The following SOX6 variants were observed in gnomAD, a reference collection of about 807,000 sequenced individuals.
SOX6 encodes SRY-box transcription factor 6, also known as transcription factor SOX-6.
Under a neutral mutation model 97.8 loss-of-function variants are expected in SOX6, and 11 were observed. That is an observed-to-expected ratio of 0.11 (90% confidence interval 0.07 to 0.19). The LOEUF (loss-of-function observed/expected upper bound fraction) is 0.19, where lower values mean the gene tolerates loss of function less well. SOX6 is among the 10% of genes least tolerant of loss of function. The probability of loss-of-function intolerance (pLI) is 1.00; values close to 1 mark genes in which losing one functional copy is unlikely to be tolerated. For missense variants in SOX6, 810 were observed against 1,039.5 expected (o/e 0.78, Z 3.04); for synonymous variants, 360 against 371.4 (o/e 0.97, Z 0.35).
intron 3 of SOX6, among the ~76,000 whole-genome samples, chr11:16,263,071 C>T (rs1375303281): frequency 6.6e-6 from 1 of 151,846 alleles, no homozygotes; most frequent in Non-Finnish European, 1.5e-5. Flanking sequence ...AAATCCAAAA[C>T]TTAAACATCT....
chr11:16,181,847 TTGAC>T (rs368882010), intron 6 of SOX6, among the ~76,000 whole-genome samples: 16 of 151,930 alleles, frequency 1.1e-4, no homozygotes, highest in African/African-American at 3.9e-4. Context: ...AACTCTGACA[TTGAC>T]TATCTTTATT....
chr11:16,004,568 C>A (rs1854497114), intron 13 of SOX6, among the ~76,000 whole-genome samples: 1 of 151,734 alleles, frequency 6.6e-6, no homozygotes, highest in African/African-American at 2.4e-5. Context: ...TAGAGACAAT[C>A]CAATCTGATG....
intron 3 of SOX6, among the ~76,000 whole-genome samples, chr11:16,241,169 T>C (rs1853184933): frequency 6.6e-6 from 1 of 152,066 alleles, no homozygotes; most frequent in Non-Finnish European, 1.5e-5. Flanking sequence ...AAGCTCTCCT[T>C]TTCTGAATAC....
chr11:16,442,873 C>T (rs148999862), intron 1 of SOX6, among the ~76,000 whole-genome samples: 101 of 152,180 alleles, frequency 6.6e-4, no homozygotes, highest in African/African-American at 2.2e-3. Context: ...TAGAAAAATA[C>T]GTATCTTATC....
At chr11:16,019,980 A>C (rs1855004776) in intron 12 of SOX6, among the ~76,000 whole-genome samples, 1 of 152,166 alleles carries the variant, frequency 6.6e-6, no homozygotes, top group Non-Finnish European at 1.5e-5. Flanking sequence ...TGTCGTTTTC[A>C]TCCTAGCTCT....
chr11:16,668,044 A>G (rs1329691005), intron 3 of SOX6, among the ~76,000 whole-genome samples: 9 of 152,186 alleles, frequency 5.9e-5, no homozygotes, highest in Non-Finnish European at 1.2e-4. Flanking sequence ...ATAATAAGTT[A>G]TAAGATAGTA....
chr11:16,472,446 T>C (rs1565156489), intron 1 of SOX6, among the ~76,000 whole-genome samples: 1 of 152,198 alleles, frequency 6.6e-6, no homozygotes, highest in African/African-American at 2.4e-5. Flanking sequence ...TTTATATTTC[T>C]TTCTCCATCT....
rs563120727 is a variant in SOX6 at position 16,499,180 on chromosome 11, A to G, written n.610-22792T>C. On this transcript the variant is annotated intron_variant and non_coding_transcript_variant, in intron 4 of 5. Coordinates refer to the SOX6 transcript ENST00000524520. ...CACTCAAAACCACTCAACCACATGG[A>G]AACTGAACAACCTGCTCCTGAATGA... Among the ~76,000 whole-genome samples the G allele has an allele frequency of 2.3e-4, 35 of 152,348 alleles. No individual in the cohort carries two copies. The South Asian group carries it at 2.5e-3, about 11-fold the overall frequency.
At chr11:16,250,987 A>T (rs1853492527) in intron 3 of SOX6, among the ~76,000 whole-genome samples, 1 of 152,150 alleles carries the variant, frequency 6.6e-6, no homozygotes, top group Admixed American at 6.5e-5. Context: ...TGGAATCAAA[A>T]CAGAATTCTG....
intron 1 of SOX6, among the ~76,000 whole-genome samples, chr11:16,365,324 CGTGT>C (rs953835633): frequency 1.4e-5 from 2 of 141,082 alleles, no homozygotes; most frequent in African/African-American, 5.2e-5. Flanking sequence ...TGTGCATGCA[CGTGT>C]GTGTGTATGT....
At position 16,049,818 on chromosome 11, in the gene SOX6, G is replaced by A. The variant is rs765210497; in HGVS notation, c.1372C>T (p.Leu458=). Residue 458 remains leucine, a synonymous_variant, in exon 11 of 16, where the codon CTG becomes TTG. Transcript: ENST00000683767. ...CTAGGGATGCTGCTTTTGTTTGGCA[G>A]ATTGACAGGGCTGGTTTTGCTGGCT... ...FPASKTSPVN[L]PNKSSIPSPI... The A allele has an allele frequency of 3.1e-6, 5 of 1,613,718 alleles. No homozygotes were observed. The highest frequency in any genetic ancestry group is 4.2e-6 in the Non-Finnish European group (5 of 1,179,800).
At chr11:16,003,137 C>T (rs1301912706) in intron 13 of SOX6, among the ~76,000 whole-genome samples, 3 of 152,038 alleles carry the variant, frequency 2.0e-5, no homozygotes, top group Admixed American at 1.3e-4. Context: ...AGTTCACACT[C>T]CTTAGTACAG....
At chr11:16,670,484 G>T (rs905485477) in intron 3 of SOX6, among the ~76,000 whole-genome samples, 1 of 152,166 alleles carries the variant, frequency 6.6e-6, no homozygotes, top group Non-Finnish European at 1.5e-5. Context: ...CCTCTGCAGT[G>T]AAACTGCCCT....
At position 16,123,849 on chromosome 11, in the gene SOX6, G is replaced by T. The variant is rs143065923; in HGVS notation, c.778-11926C>A. ...AACTTAGATACAAAAAAGAGATGTC[G>T]CTGTTAAAGAAGGTAAGGTCCATAC... On this transcript the variant is annotated intron_variant, in intron 6 of 15. Transcript: ENST00000683767. Among the ~76,000 whole-genome samples the T allele has an allele frequency of 1.4e-3, 218 of 152,094 alleles. 3 individuals carry two copies. Among genetic ancestry groups the T allele is most frequent in the African/African-American group, 5.1e-3 (211 of 41,544 alleles).
chr11:16,496,198 A>G (rs112713282), intron 4 of SOX6, among the ~76,000 whole-genome samples: 110 of 152,360 alleles, frequency 7.2e-4, no homozygotes, highest in African/African-American at 2.4e-3. Context: ...GACAGGTCCA[A>G]TGGAAAACAA....
intron 4 of SOX6, among the ~76,000 whole-genome samples, chr11:16,225,923 A>G (rs1168618909): frequency 6.6e-6 from 1 of 152,208 alleles, no homozygotes; most frequent in Non-Finnish European, 1.5e-5. Flanking sequence ...TATTTGATGT[A>G]TGCAGTTCCT....
chr11:16,580,702 C>G (rs562197168), intron 4 of SOX6, among the ~76,000 whole-genome samples: 2 of 152,284 alleles, frequency 1.3e-5, no homozygotes, highest in African/African-American at 4.8e-5. Context: ...ATCTACCCAT[C>G]TGACAAACAT....
chr11:16,641,651 C>T (rs1848916264), intron 3 of SOX6, among the ~76,000 whole-genome samples: 1 of 152,192 alleles, frequency 6.6e-6, no homozygotes, highest in African/African-American at 2.4e-5. Flanking sequence ...GTCCCTTTAC[C>T]ATTATGTAAT....
chr11:16,582,601 C>G (rs1263213324), intron 4 of SOX6, among the ~76,000 whole-genome samples: 3 of 150,592 alleles, frequency 2.0e-5, no homozygotes, highest in Non-Finnish European at 4.4e-5. Context: ...ATTAGGACCC[C>G]AAAAGATCTC....
Sources: gnomAD v4.1 joint callset for allele counts (sites outside exome capture counted in the v4.1 genomes callset) on GRCh38, gnomAD v4.1.1 for gene constraint, MANE v1.5 for transcripts, NCBI Gene and HGNC (gene_info 2026-07-23, HGNC 2026-07-21) for gene names.